Variants in C3 observed in about 807,000 individuals in gnomAD.
C3 encodes the protein C3 and PZP-like alpha-2-macroglobulin domain-containing protein 1.
Under a neutral mutation model 207.9 loss-of-function variants are expected in C3, and 97 were observed. That is an observed-to-expected ratio of 0.47 (90% confidence interval 0.40 to 0.55). C3 has a LOEUF of 0.55. Ranked by LOEUF, C3 falls within the 20% of genes least tolerant of loss-of-function variation. C3 has a pLI of 0.00. For missense variants in C3, 1,684 were observed against 2,171.7 expected, an observed-to-expected ratio of 0.78 and a Z score of 4.46; for synonymous variants, 848 against 857.6, an observed-to-expected ratio of 0.99 and a Z score of 0.20.
At chr19:6,696,488 C>A (rs752028348) in intron 22 of C3, 23 bp from the exon 23 acceptor site, 5 of 1,601,272 alleles carry the variant, frequency 3.1e-6, no homozygotes, top group Non-Finnish European at 4.3e-6. Context: ...TGAGAGATAC[C>A]GATGGCTCTA....
Position 6,678,366 on chromosome 19 carries a change from C to T in C3, c.4714+6G>A, listed in dbSNP as rs745315591. ...GAGCCACGGGAGGCAGCGTGCTGAG[C>T]CTGACCTGACTTGATGGTCTGCTCA... On this transcript the variant is annotated splice_donor_region_variant and intron_variant, in intron 39 of 40. Coordinates refer to ENST00000245907, the MANE Select transcript of C3 (RefSeq NM_000064.4). 1.2e-6 allele frequency: 2 copies of T among 1,614,024 alleles called. No homozygotes were observed. Among genetic ancestry groups the T allele is most frequent in the East Asian group, 2.2e-5 (1 of 44,896 alleles).
In C3 at chr19:6,719,786, C is replaced by A. The variant is rs541327041; in HGVS notation, c.75-383G>T. Among the ~76,000 whole-genome samples, 31 of 152,232 alleles carry A rather than the reference C, an allele frequency of 2.0e-4. No individual in the cohort carries two copies. In the South Asian group the frequency reaches 6.2e-3, roughly 31 times the overall value. ...CCCCAAACCCTAAACCTCTACCTCT[C>A]TAAACACTCCAAATATGTAAACACT... On this transcript the variant is annotated intron_variant, in intron 1 of 40. Coordinates refer to ENST00000245907, the MANE Select transcript of C3 (RefSeq NM_000064.4). This position sits in a 1 kb window ranked among gnomAD's most constrained non-coding sequence, Gnocchi z 5.4.
intron 21 of C3, 76 bp downstream of exon 21, chr19:6,697,268 C>G: frequency 1.8e-6 from 2 of 1,123,868 alleles, no homozygotes; most frequent in Non-Finnish European, 2.7e-6. Context: ...GCCTGGATCT[C>G]CAACCTGAGT....
At chr19:6,700,438 AAT>A (rs1377816363) in intron 19 of C3, among the ~76,000 whole-genome samples, 1 of 51,910 alleles carries the variant, frequency 1.9e-5, no homozygotes, top group Non-Finnish European at 2.9e-5. Flanking sequence ...TGATATATGT[AAT>A]ATGATATATG....
chr19:6,702,834 G>A (rs977926382), intron 17 of C3: 2 of 409,302 alleles, frequency 4.9e-6, no homozygotes, highest in Non-Finnish European at 9.3e-6. Context: ...AGGACTTTGA[G>A]ACCAGCCTGG....
rs150007726 is a variant in C3, at chr19:6,714,363, C to T, written c.588G>A (p.Pro196=). 10,415 of 1,613,668 alleles carry T rather than the reference C, an allele frequency of 6.5e-3. 70 individuals carry two copies. The highest frequency in any genetic ancestry group is 0.015 in the South Asian group (1,370 of 91,080). ...AGAACCTGACATACTTGACGAGTTC[C>T]GGAATGTCCCAAGACAAGGGCAAGA... ...LGVLPLSWDI[P]ELVNMGQWKI... The change falls in exon 5 of 41, where the codon CCG becomes CCA. Residue 196 remains proline (P), a synonymous_variant. Coordinates refer to ENST00000245907, the MANE Select transcript of C3 (RefSeq NM_000064.4).
chr19:6,697,049 T>TAAAAAA (rs202245108), intron 21 of C3, among the ~76,000 whole-genome samples: 6 of 91,550 alleles, frequency 6.6e-5, no homozygotes, highest in Admixed American at 2.6e-4. Context: ...CTCAAAAAAA[T>TAAAAAA]AAACAAACAA....
At position 6,685,028 on chromosome 19, in the gene C3, C is replaced by A; in HGVS notation, c.3929G>T (p.Arg1310Leu). ...GAGGCTGGCAGATTCCCAGTGGATA[C>A]GGTGGGTGATCTTGGAGCTGCGGCT... ...LPSRSSKITH[R>L]IHWESASLLR... Residue 1310 changes from arginine (R) to leucine (L), a missense_variant, in exon 30 of 41, where the codon CGT becomes CTT. Physicochemically the swap from Arg to Leu is moderately radical, Grantham distance 102 (BLOSUM62 -2). This residue lies in a region of C3 where 1,280 missense variants were observed against 1,739.1 expected (regional missense o/e 0.74). Coordinates refer to ENST00000245907, the MANE Select transcript of C3 (RefSeq NM_000064.4). The A allele has an allele frequency of 6.2e-7, 1 of 1,613,868 alleles. No individual in the cohort carries two copies. The highest frequency in any genetic ancestry group is 8.5e-7 in the Non-Finnish European group (1 of 1,179,984).
intron 2 of C3, among the ~76,000 whole-genome samples, chr19:6,718,979 G>C (rs1449243413): frequency 1.2e-5 from 1 of 83,640 alleles, no homozygotes; most frequent in Non-Finnish European, 2.8e-5. Context: ...GATTCAGAAG[G>C]GGTGGGGGGG....
Position 6,713,620 on chromosome 19 carries a change from C to T in C3, c.774-111G>A, listed in dbSNP as rs545346831. 3.5e-5 allele frequency: 29 copies of T among 839,870 alleles called. No homozygotes were observed. In the East Asian group the frequency reaches 6.9e-4, roughly 20 times the overall value. The allele number at this position is 839,870 out of a possible 1,614,324, so 52.0% of individuals were successfully genotyped here. Reference sequence around the variant, plus strand: ...GGAGCCCCCAACCCACTGCTGGCCTCTCACCTGGCCCCACCTCCAGCCCCT... The same window carrying T: ...GGAGCCCCCAACCCACTGCTGGCCTTTCACCTGGCCCCACCTCCAGCCCCT... On this transcript the variant is annotated intron_variant, in intron 7 of 40. Transcript: ENST00000245907.
At chr19:6,678,912 C>T (rs544453915) in intron 38 of C3, among the ~76,000 whole-genome samples, 1 of 152,266 alleles carries the variant, frequency 6.6e-6, no homozygotes, top group African/African-American at 2.4e-5. Flanking sequence ...TGCATACAAC[C>T]ACATCTACCT....
In C3 at chr19:6,718,512, A is replaced by T. The variant is rs552682161; in HGVS notation, c.268-100T>A. ...CTGGGTCCCTCCTTGCCTGCCCATT[A>T]TTCTTGGTCTTCCGAGGTGGCCGTT... On this transcript the variant is annotated intron_variant, in intron 2 of 40. Coordinates refer to ENST00000245907, the MANE Select transcript of C3 (RefSeq NM_000064.4). The T allele has an allele frequency of 9.7e-6, 14 of 1,442,646 alleles. No individual in the cohort carries two copies. The Admixed American group carries it at 2.2e-4, about 23-fold the overall frequency. 89.4% of individuals were successfully genotyped at this position (1,442,646 alleles called of 1,614,324 possible).
intron 4 of C3, 145 bp downstream of exon 4, chr19:6,717,949 G>A (rs1306622664): frequency 1.3e-6 from 1 of 792,506 alleles, no homozygotes; most frequent in African/African-American, 1.7e-5. Flanking sequence ...TGTGTGTGTT[G>A]TGTGGGTGTG....
At chr19:6,684,930 C>T in intron 30 of C3, 58 bp downstream of exon 30, 1 of 1,610,976 alleles carries the variant, frequency 6.2e-7, no homozygotes, top group Non-Finnish European at 8.5e-7. Context: ...CCCAGTAAAC[C>T]CTGGCTAGTG....
At chr19:6,695,266 C>T (rs1967507405) in intron 23 of C3, among the ~76,000 whole-genome samples, 2 of 138,998 alleles carry the variant, frequency 1.4e-5, no homozygotes, top group African/African-American at 6.2e-5. Context: ...GAGACTCCGC[C>T]TCAAAAAAAA....
At position 6,693,404 on chromosome 19, in the gene C3, G is replaced by A; in HGVS notation, c.3230+8C>T. 6.2e-7 allele frequency: 1 copy of A among 1,607,544 alleles called. No homozygotes were observed. The highest frequency in any genetic ancestry group is 8.5e-7 in the Non-Finnish European group (1 of 1,177,774). On this transcript the variant is annotated splice_region_variant and intron_variant, in intron 25 of 40. Transcript: ENST00000245907. The stretch of plus-strand genomic sequence containing the variant: ...TATGCATGGCCTGAGCTGGCTGTTG[G>A]GACTCACCAGGTGCTGGGTGCCCGT...
Position 6,678,215 on chromosome 19 carries a change from A to T in C3, c.4787T>A (p.Leu1596Gln), listed in dbSNP as rs1295938804. Residue 1596 changes from leucine to glutamine, a missense_variant, in exon 40 of 41, where the codon CTG becomes CAG. Physicochemically the swap from Leu to Gln is moderately radical, Grantham distance 113 (BLOSUM62 -2). Around this residue, in one of 3 missense-constraint regions of C3, gnomAD observed 346 missense variants for 380.1 expected, o/e 0.91. Coordinates refer to ENST00000245907, the MANE Select transcript of C3 (RefSeq NM_000064.4). ...CATGAGGTAGTGTTTCTTCTCCTCC[A>T]GCTTCAGGGCTTCTCTGCACTTGAT... ...SPIKCREALK[L>Q]EEKKHYLMWG... 1 of 1,614,222 alleles carries T rather than the reference A, an allele frequency of 6.2e-7. No individual in the cohort carries two copies. The highest frequency in any genetic ancestry group is 8.5e-7 in the Non-Finnish European group (1 of 1,180,030).
chr19:6,678,020 G>A lies in C3; in HGVS notation c.4854C>T (p.Leu1618=). ...AAGTGTCCTTCCCGATGATGTAGCTGAGGCTGGAGGGAAGAATGGCAGGTC... is the reference window on the plus strand; with the variant it reads ...AAGTGTCCTTCCCGATGATGTAGCTAAGGCTGGAGGGAAGAATGGCAGGTC... ...SSDFWGEKPN[L]SYIIGKDTWV... Residue 1618 remains leucine (L), a synonymous_variant, in exon 41 of 41, where the codon CTC becomes CTT. Transcript: ENST00000245907. The A allele has an allele frequency of 6.2e-7, 1 of 1,614,190 alleles. No individual in the cohort carries two copies. Among genetic ancestry groups the A allele is most frequent in the Non-Finnish European group, 8.5e-7 (1 of 1,180,036 alleles).
rs1361198407 is a variant in C3, at chr19:6,678,357, CG to C, written c.4714+14del. 1.2e-6 allele frequency: 2 copies of C among 1,613,960 alleles called. No individual in the cohort carries two copies. On this transcript the variant is annotated intron_variant, in intron 39 of 40. Transcript: ENST00000245907. The stretch of plus-strand genomic sequence containing the variant: ...GCCAGGGAAGAGCCACGGGAGGCAG[CG>C]TGCTGAGCCTGACCTGACTTGATGG...
Sources: allele counts gnomAD v4.1 joint callset (sites outside exome capture counted in the v4.1 genomes callset), GRCh38; gene constraint gnomAD v4.1.1; regional missense constraint gnomAD v4.1.1; non-coding constraint Gnocchi (gnomAD v3.1); transcripts MANE v1.5; gene names NCBI Gene and HGNC (gene_info 2026-07-23, HGNC 2026-07-21).